Variants in COP1 observed in about 807,000 individuals in gnomAD.
COP1 encodes the protein E3 ubiquitin-protein ligase COP1.
A neutral mutation model predicts 101.3 loss-of-function variants in COP1; 24 were observed. The ratio of observed to expected loss-of-function variants is 0.24; its 90% CI spans 0.17 to 0.33. COP1 has a LOEUF of 0.33. Among genes scored for constraint, COP1 ranks in the 10% least tolerant of loss-of-function variants. The probability of loss-of-function intolerance (pLI) is 1.00; values close to 1 mark genes in which losing one functional copy is unlikely to be tolerated. For synonymous variants in COP1, 347 were observed against 341.9 expected, an observed-to-expected ratio of 1.01 and a Z score of -0.17; for missense variants, 663 against 906.2, an observed-to-expected ratio of 0.73 and a Z score of 3.45.
At chr1:175,989,878 A>C (rs1657998790) in intron 15 of COP1, among the ~76,000 whole-genome samples, 1 of 152,136 alleles carries the variant, frequency 6.6e-6, no homozygotes, top group Non-Finnish European at 1.5e-5. Flanking sequence ...ATCTTTACTA[A>C]ATTTAACCAG....
intron 8 of COP1, among the ~76,000 whole-genome samples, chr1:176,120,879 C>A (rs1451217513): frequency 1.3e-5 from 2 of 151,998 alleles, no homozygotes; most frequent in Non-Finnish European, 2.9e-5. Flanking sequence ...TTAGTGGATA[C>A]ATTAGCTAAT....
At chr1:176,084,939 T>C (rs1679869681) in intron 10 of COP1, among the ~76,000 whole-genome samples, 1 of 152,038 alleles carries the variant, frequency 6.6e-6, no homozygotes, top group African/African-American at 2.4e-5. Context: ...GTACCAAGCA[T>C]TGTATCTTAT....
chr1:176,169,603 G>A (rs1434249483), intron 3 of COP1, among the ~76,000 whole-genome samples: 6 of 152,172 alleles, frequency 3.9e-5, no homozygotes, highest in Non-Finnish European at 5.9e-5. Context: ...TAATATATAC[G>A]TTTATTAAAA....
rs372272610 is a variant in COP1 at position 176,195,589 on chromosome 1, A to AAATTC, written c.408-10898_408-10897insGAATT. ...GGTGGACCATGAAACGAGTCTCTAT[A>AAATTC]AAAAGGACTAATATCATACAAACTA... On this transcript the variant is annotated intron_variant, in intron 1 of 19. Transcript: ENST00000367669. Among the ~76,000 whole-genome samples the AAATTC allele has an allele frequency of 2.6e-3, 399 of 152,334 alleles. 3 individuals carry two copies. Among genetic ancestry groups the AAATTC allele is most frequent in the African/African-American group, 9.2e-3 (381 of 41,570 alleles).
chr1:175,983,563 A>G (rs530223194), intron 18 of COP1, among the ~76,000 whole-genome samples: 1 of 152,306 alleles, frequency 6.6e-6, no homozygotes, highest in African/African-American at 2.4e-5. Context: ...GAAAATTGGT[A>G]CCAGAAGTGG....
intron 15 of COP1, among the ~76,000 whole-genome samples, chr1:175,990,401 A>G (rs574927185): frequency 6.6e-6 from 1 of 152,240 alleles, no homozygotes; most frequent in South Asian, 2.1e-4. Context: ...TTTTAGTCTT[A>G]AATATGGTGT....
At chr1:176,176,625 C>A (rs748679874) in intron 2 of COP1, among the ~76,000 whole-genome samples, 4 of 151,992 alleles carry the variant, frequency 2.6e-5, no homozygotes, top group Non-Finnish European at 5.9e-5. Context: ...TCAAGACCAG[C>A]CTGGGGAACA....
intron 15 of COP1, among the ~76,000 whole-genome samples, chr1:176,007,538 C>T (rs1187875763): frequency 1.3e-5 from 2 of 150,508 alleles, no homozygotes; most frequent in Non-Finnish European, 3.0e-5. Context: ...GATGTCCTTT[C>T]TGTTTGGTAG....
At chr1:176,152,375 AG>A (rs750005074) in intron 5 of COP1, among the ~76,000 whole-genome samples, 7 of 152,176 alleles carry the variant, frequency 4.6e-5, no homozygotes, top group Non-Finnish European at 1.0e-4. Context: ...TAATGGAACT[AG>A]GAACTGTTGC....
intron 9 of COP1, among the ~76,000 whole-genome samples, chr1:176,115,072 C>A (rs758023587): frequency 6.6e-6 from 1 of 152,190 alleles, no homozygotes; most frequent in South Asian, 2.1e-4. Context: ...AGTGCTTAGA[C>A]AATCTGGATG....
chr1:176,018,314 T>A (rs1239480934), intron 15 of COP1: 1 of 152,206 alleles, frequency 6.6e-6, no homozygotes, highest in East Asian at 1.9e-4. Context: ...AGACAATTTT[T>A]AAAAACTTAA....
At chr1:176,156,087 A>C (rs1693407011) in intron 5 of COP1, among the ~76,000 whole-genome samples, 2 of 152,062 alleles carry the variant, frequency 1.3e-5, no homozygotes, top group Non-Finnish European at 2.9e-5. Flanking sequence ...CCAAAATAAC[A>C]ATGTTTTAAA....
chr1:176,089,184 T>C (rs930015454), intron 9 of COP1, among the ~76,000 whole-genome samples: 2 of 151,608 alleles, frequency 1.3e-5, no homozygotes, highest in African/African-American at 4.8e-5. Flanking sequence ...CCCCAGCTAC[T>C]TGGGAGGCTG....
intron 15 of COP1, among the ~76,000 whole-genome samples, chr1:175,995,509 TAAA>T (rs1557872977): frequency 6.6e-6 from 1 of 151,660 alleles, no homozygotes; most frequent in East Asian, 1.9e-4. Context: ...GCAAGACTAA[TAAA>T]GAAGAAAAGA....
chr1:175,964,453 T>C (rs1161086847), intron 18 of COP1, among the ~76,000 whole-genome samples: 1 of 152,178 alleles, frequency 6.6e-6, no homozygotes, highest in Non-Finnish European at 1.5e-5. Flanking sequence ...TGATTTTTAA[T>C]TTTAGTTCCC....
intron 11 of COP1, among the ~76,000 whole-genome samples, chr1:176,078,263 A>T (rs1311748032): frequency 6.6e-6 from 1 of 152,192 alleles, no homozygotes; most frequent in Admixed American, 6.5e-5. Context: ...GGCTACAATA[A>T]CCAAAACAGT....
intron 9 of COP1, among the ~76,000 whole-genome samples, chr1:176,105,066 G>A (rs1684085910): frequency 6.6e-6 from 1 of 152,086 alleles, no homozygotes. Flanking sequence ...TTGTGAAAGA[G>A]AGTAAAAATA....
intron 14 of COP1, among the ~76,000 whole-genome samples, chr1:176,039,568 G>T (rs1478745469): frequency 8.5e-6 from 1 of 117,532 alleles, no homozygotes; most frequent in Non-Finnish European, 1.8e-5. Context: ...AAACCTCAAA[G>T]AATGTTTTAC....
chr1:176,163,554 C>CA (rs1694662515), intron 4 of COP1, among the ~76,000 whole-genome samples: 1 of 152,116 alleles, frequency 6.6e-6, no homozygotes, highest in Admixed American at 6.6e-5. Flanking sequence ...TTTCACCACC[C>CA]AAAATAATCC....
Sources: gnomAD v4.1 joint callset for allele counts (sites outside exome capture counted in the v4.1 genomes callset) on GRCh38, gnomAD v4.1.1 for gene constraint, MANE v1.5 for transcripts, NCBI Gene and HGNC (gene_info 2026-07-23, HGNC 2026-07-21) for gene names.